The following MDN1 variants were observed in gnomAD, a reference collection of about 807,000 sequenced individuals.
MDN1 encodes midasin.
In MDN1, 266 loss-of-function variants were observed where a neutral mutation model predicts 669.2. The observed-to-expected ratio is 0.40, with a 90% CI of 0.36 to 0.44. The LOEUF is 0.44. Ranked by LOEUF, MDN1 falls within the 20% of genes least tolerant of loss-of-function variation. The pLI, the probability that MDN1 is intolerant of heterozygous loss-of-function variation, is 1.00. For missense variants in MDN1, 5,940 were observed against 6,754.0 expected, an observed-to-expected ratio of 0.88 and a Z score of 4.22; for synonymous variants, 2,385 against 2,457.1, an observed-to-expected ratio of 0.97 and a Z score of 0.87.
chr6:89,759,131 T>C (rs941944116), intron 17 of MDN1, among the ~76,000 whole-genome samples, 171 bp from the exon 18 acceptor site: 4 of 152,196 alleles, frequency 2.6e-5, no homozygotes. Flanking sequence ...CAAGTTAATT[T>C]TTTAAATGTC....
chr6:89,664,504 C>T lies in MDN1; in HGVS notation c.14219G>A (p.Gly4740Glu), dbSNP rs374053459. The T allele has an allele frequency of 6.2e-7, 1 of 1,613,752 alleles. No homozygotes were observed. The highest frequency in any genetic ancestry group is 1.3e-5 in the African/African-American group (1 of 74,892). ...TCTGAAACCTTGTTCTTCAAGCTCC[C>T]CATCATGCATTTTCCCATCAAAATC... ...SEDFDGKMHD[G>E]ELEEQEEDDE... The change falls in exon 85 of 102, where the codon GGG becomes GAG. Residue 4740 changes from glycine to glutamate, a missense_variant. By Grantham distance (98) the Gly-to-Glu change is moderately conservative. Around this residue, in one of 5 missense-constraint regions of MDN1, gnomAD observed 2,280 missense variants for 2,576.3 expected, o/e 0.88. Coordinates refer to ENST00000369393, the MANE Select transcript of MDN1 (RefSeq NM_014611.3).
chr6:89,761,148 AGAGT>A (rs979458435), intron 17 of MDN1, among the ~76,000 whole-genome samples: 2 of 152,330 alleles, frequency 1.3e-5, no homozygotes, highest in Non-Finnish European at 2.9e-5. Context: ...CCTGGGGGAC[AGAGT>A]GAGACTCTGT....
chr6:89,714,798 G>T, intron 45 of MDN1, 47 bp from the exon 46 acceptor site: 2 of 1,499,782 alleles, frequency 1.3e-6, no homozygotes, highest in Non-Finnish European at 1.8e-6. Flanking sequence ...AAATCCCAGT[G>T]CAACCAAAGG....
chr6:89,762,672 TAC>T (rs776625625), intron 15 of MDN1, 142 bp from the exon 16 acceptor site: 12 of 650,008 alleles, frequency 1.8e-5, no homozygotes, highest in Middle Eastern at 3.1e-4. Context: ...AAATCTACGT[TAC>T]AGTTTTAAAT....
chr6:89,816,831 T>C (rs1768874498), intron 1 of MDN1, among the ~76,000 whole-genome samples: 1 of 151,998 alleles, frequency 6.6e-6, no homozygotes, highest in Non-Finnish European at 1.5e-5. Context: ...CCCGCCACCA[T>C]GCCCAGCTAA....
At chr6:89,658,157 G>C in intron 90 of MDN1, 52 bp downstream of exon 90, 3 of 1,604,624 alleles carry the variant, frequency 1.9e-6, no homozygotes, top group Non-Finnish European at 8.5e-7. Flanking sequence ...CGGACAGGGA[G>C]AAGAGACCCT....
intron 5 of MDN1, among the ~76,000 whole-genome samples, chr6:89,792,709 C>T (rs533337749): frequency 1.3e-5 from 2 of 150,736 alleles, no homozygotes; most frequent in East Asian, 3.9e-4. Flanking sequence ...GACCAGAACC[C>T]AACTGATGGG....
intron 34 of MDN1, 63 bp from the exon 35 acceptor site, chr6:89,730,986 C>T (rs1332383185): frequency 6.9e-7 from 1 of 1,448,604 alleles, no homozygotes; most frequent in African/African-American, 1.4e-5. Context: ...CACCATTAAG[C>T]AGGAGCTCTA....
At chr6:89,726,287 C>T (rs1293351467) in intron 37 of MDN1, among the ~76,000 whole-genome samples, 2 of 151,686 alleles carry the variant, frequency 1.3e-5, no homozygotes, top group Non-Finnish European at 2.9e-5. Flanking sequence ...ATAGCGAAAC[C>T]TTGTCTCTAC....
Position 89,692,688 on chromosome 6 carries a change from TG to T in MDN1, c.10341del (p.Thr3448ProfsTer15). The stretch of plus-strand genomic sequence containing the variant: ...GCATGAGCATAGTAAGTCGGGAAGG[TG>T]GGGCCCACCGATGGGAAAGCCAGCA... The part of the protein sequence containing the change: ...TALLAFPSVG[P>X]TFPTYYAHAD... On this transcript the variant is annotated frameshift_variant, in exon 63 of 102. Coordinates refer to ENST00000369393, the MANE Select transcript of MDN1 (RefSeq NM_014611.3). LOFTEE classifies it high-confidence loss of function. 1 of 1,614,028 alleles carries T rather than the reference TG, an allele frequency of 6.2e-7. No individual in the cohort carries two copies. The highest frequency in any genetic ancestry group is 8.5e-7 in the Non-Finnish European group (1 of 1,179,964).
At chr6:89,657,780 A>C (rs1359748548) in intron 90 of MDN1, among the ~76,000 whole-genome samples, 1 of 152,246 alleles carries the variant, frequency 6.6e-6, no homozygotes, top group Non-Finnish European at 1.5e-5. Context: ...GAAAGACTGC[A>C]TGTGCACTGG....
rs757090783 is a variant in MDN1, at chr6:89,751,555, G to A, written c.3103C>T (p.Leu1035Phe). The A allele has an allele frequency of 1.9e-6, 3 of 1,613,990 alleles. No individual in the cohort carries two copies. The highest frequency in any genetic ancestry group is 1.7e-5 in the Admixed American group (1 of 59,990). Reference sequence around the variant, plus strand: ...ATCCAGTAGCCTTCAACCTGGATAAGCCGACCTCCTTTTGGCTCTGGAATA... The same window carrying A: ...ATCCAGTAGCCTTCAACCTGGATAAACCGACCTCCTTTTGGCTCTGGAATA... ...QPIPEPKGGR[L>F]IQVEGYWIAV... Residue 1035 changes from leucine (L) to phenylalanine (F), a missense_variant, in exon 23 of 102, where the codon CTT becomes TTT. Coordinates refer to ENST00000369393, the MANE Select transcript of MDN1 (RefSeq NM_014611.3).
Position 89,729,151 on chromosome 6 carries a change from A to G in MDN1, c.5141-12T>C. The G allele has an allele frequency of 6.2e-7, 1 of 1,605,102 alleles. No homozygotes were observed. Among genetic ancestry groups the G allele is most frequent in the Non-Finnish European group, 8.5e-7 (1 of 1,176,450 alleles). On this transcript the variant is annotated splice_polypyrimidine_tract_variant and intron_variant, in intron 35 of 101. Transcript: ENST00000369393. ...GTGTAGGACAGGTCCTTAAGTGGAG[A>G]AAAGTAAAGTCATGTATAAGCGGGA...
chr6:89,791,593 C>A (rs555727916), intron 5 of MDN1, among the ~76,000 whole-genome samples: 13 of 152,102 alleles, frequency 8.5e-5, no homozygotes, highest in African/African-American at 2.4e-4. Flanking sequence ...GGAATATGTG[C>A]GACATTTTCT....
intron 11 of MDN1, among the ~76,000 whole-genome samples, chr6:89,778,408 C>T (rs983134479): frequency 2.0e-5 from 3 of 152,092 alleles, no homozygotes; most frequent in East Asian, 1.9e-4. Flanking sequence ...CAAATAATGG[C>T]ACCCCTAAAA....
intron 100 of MDN1, among the ~76,000 whole-genome samples, chr6:89,645,644 AT>A (rs1469120517): frequency 6.6e-6 from 1 of 152,156 alleles, no homozygotes; most frequent in Non-Finnish European, 1.5e-5. Context: ...TAATTTCTAT[AT>A]TTTTTTGCCC....
chr6:89,652,180 G>A lies in MDN1; in HGVS notation c.15915+12C>T. 1 of 1,607,274 alleles carries A rather than the reference G, an allele frequency of 6.2e-7. No individual in the cohort carries two copies. Among genetic ancestry groups the A allele is most frequent in the African/African-American group, 1.3e-5 (1 of 74,554 alleles). The stretch of plus-strand genomic sequence containing the variant: ...AGATATTTTATGAAAAAAACAGTGA[G>A]CAGTGACTTACCTCCTCTGGGTTTC... On this transcript the variant is annotated intron_variant, in intron 95 of 101. Coordinates refer to ENST00000369393, the MANE Select transcript of MDN1 (RefSeq NM_014611.3).
chr6:89,745,580 A>G lies in MDN1; in HGVS notation c.3951T>C (p.Asp1317=). Residue 1317 remains aspartate, a synonymous_variant, in exon 28 of 102, where the codon GAT becomes GAC. Coordinates refer to ENST00000369393, the MANE Select transcript of MDN1 (RefSeq NM_014611.3). The part of the protein sequence containing the change: ...AGRVRKQEEI[D]VIQEVLEKHF... ...GTTTCTCAAGGACTTCTTGAATCACATCAATTTCCTCCTGCTTCCTGACTC... is the reference window on the plus strand; with the variant it reads ...GTTTCTCAAGGACTTCTTGAATCACGTCAATTTCCTCCTGCTTCCTGACTC... The G allele has an allele frequency of 6.2e-7, 1 of 1,614,174 alleles. No homozygotes were observed. The highest frequency in any genetic ancestry group is 8.5e-7 in the Non-Finnish European group (1 of 1,180,030).
intron 69 of MDN1, among the ~76,000 whole-genome samples, chr6:89,686,324 C>G (rs775855805): frequency 7.2e-5 from 11 of 152,032 alleles, no homozygotes; most frequent in Non-Finnish European, 1.5e-4. Flanking sequence ...ACTGAGAAGG[C>G]TGAAGTAGGA....
Sources: allele counts gnomAD v4.1 joint callset (sites outside exome capture counted in the v4.1 genomes callset), GRCh38; gene constraint gnomAD v4.1.1; regional missense constraint gnomAD v4.1.1; transcripts MANE v1.5; gene names NCBI Gene and HGNC (gene_info 2026-07-23, HGNC 2026-07-21).